The following CMYA5 variants were observed in gnomAD, a reference collection of about 807,000 sequenced individuals.
CMYA5 encodes cardiomyopathy associated 5.
A neutral mutation model predicts 318.9 loss-of-function variants in CMYA5; 246 were observed. The ratio of observed to expected loss-of-function variants is 0.77; its 90% confidence interval spans 0.70 to 0.86. The LOEUF (loss-of-function observed/expected upper bound fraction) is 0.86, where lower values mean the gene tolerates loss of function less well. CMYA5 is among the 40% of genes least tolerant of loss of function. CMYA5 has a pLI of 0.00. For missense variants in CMYA5, 4,589 were observed against 4,678.2 expected (o/e 0.98, Z 0.56); for synonymous variants, 1,641 against 1,729.5 (o/e 0.95, Z 1.27).
intron 1 of CMYA5, among the ~76,000 whole-genome samples, chr5:79,706,979 G>A (rs1375874380): frequency 6.6e-6 from 1 of 152,076 alleles, no homozygotes; most frequent in Non-Finnish European, 1.5e-5. Context: ...ACTCCTAGAT[G>A]TACAAATAAC....
intron 1 of CMYA5, among the ~76,000 whole-genome samples, chr5:79,696,660 G>A (rs544415159): frequency 4.6e-5 from 7 of 152,152 alleles, no homozygotes; most frequent in African/African-American, 1.7e-4. Flanking sequence ...GATTTCACTA[G>A]GGCACTTAAA....
Position 79,733,034 on chromosome 5 carries a change from T to C in CMYA5, c.4269T>C (p.Gly1423=), listed in dbSNP as rs1312814967. Residue 1423 remains glycine (G), a synonymous_variant, in exon 2 of 13, where the codon GGT becomes GGC. Coordinates refer to ENST00000446378, the MANE Select transcript of CMYA5 (RefSeq NM_153610.5). ...LAEEDKVAIK[G]ASPIETSSKH... is the part of the protein sequence containing the mutation. Reference sequence around the variant, plus strand: ...AAGAAGACAAGGTGGCAATTAAAGGTGCTTCTCCCATTGAAACTTCATCCA... The same window carrying C: ...AAGAAGACAAGGTGGCAATTAAAGGCGCTTCTCCCATTGAAACTTCATCCA... 3.7e-6 allele frequency: 6 copies of C among 1,613,232 alleles called. No individual in the cohort carries two copies. The highest frequency in any genetic ancestry group is 8.5e-7 in the Non-Finnish European group (1 of 1,179,648).
intron 1 of CMYA5, among the ~76,000 whole-genome samples, chr5:79,723,113 T>C (rs1827673454): frequency 1.3e-5 from 2 of 152,064 alleles, no homozygotes; most frequent in Non-Finnish European, 2.9e-5. Flanking sequence ...ATCATAATCT[T>C]GCTACAAAAA....
intron 4 of CMYA5, 41 bp from the exon 5 acceptor site, chr5:79,747,038 CTCTCTCTCTTTT>C (rs1828337734): frequency 1.3e-5 from 14 of 1,056,062 alleles, no homozygotes; most frequent in East Asian, 1.3e-4. Context: ...CTCTCTCTTT[CTCTCTCTCTTTT>C]TCTCTCTTCT....
chr5:79,717,310 C>G (rs1249689246), intron 1 of CMYA5, among the ~76,000 whole-genome samples: 2 of 152,132 alleles, frequency 1.3e-5, no homozygotes, highest in African/African-American at 2.4e-5. Flanking sequence ...ATAAGGAGAG[C>G]CACCAAAAGA....
Position 79,789,000 on chromosome 5 carries a change from T to G in CMYA5, c.11585T>G (p.Leu3862Arg). The G allele has an allele frequency of 6.2e-7, 1 of 1,613,884 alleles. No homozygotes were observed. Among genetic ancestry groups the G allele is most frequent in the South Asian group, 1.1e-5 (1 of 91,060 alleles). The change falls in exon 10 of 13, where the codon CTG (leucine) becomes CGG (arginine). Residue 3862 changes from leucine (L) to arginine (R), a missense_variant. Transcript: ENST00000446378. ...RSFSGIKGLQ[L>R]KVNLQPNDNY... ...TTCTCTGGAATCAAAGGACTCCAGC[T>G]GAAAGTTAACCTCCAACCCAATGAT...
chr5:79,742,020 T>A (rs1371489037), intron 2 of CMYA5, among the ~76,000 whole-genome samples: 1 of 151,486 alleles, frequency 6.6e-6, no homozygotes. Flanking sequence ...TCCTTTCTCC[T>A]CCTTCCTCCT....
rs1196457835 is a variant in CMYA5, at chr5:79,728,952, G to A, written c.187G>A (p.Glu63Lys). 4 of 1,610,916 alleles carry A rather than the reference G, an allele frequency of 2.5e-6. No individual in the cohort carries two copies. Among genetic ancestry groups the A allele is most frequent in the Non-Finnish European group, 3.4e-6 (4 of 1,178,390 alleles). ...GGATGAAGAGGGAAAGATCAAGCAG[G>A]AGTATATCATATCTGACCCCTCCTT... ...DQDEEGKIKQ[E>K]YIISDPSFSM... Residue 63 changes from glutamate (E) to lysine (K), a missense_variant, in exon 2 of 13, where the codon GAG becomes AAG. Glu to Lys is a moderately conservative substitution (Grantham distance 56). Transcript: ENST00000446378.
chr5:79,704,022 T>C (rs1345826326), intron 1 of CMYA5, among the ~76,000 whole-genome samples: 1 of 151,924 alleles, frequency 6.6e-6, no homozygotes, highest in African/African-American at 2.4e-5. Flanking sequence ...AACCCAGAGG[T>C]CAAGGCTGCC....
intron 6 of CMYA5, among the ~76,000 whole-genome samples, chr5:79,755,433 T>C (rs2151093183): frequency 6.6e-6 from 1 of 152,218 alleles, no homozygotes; most frequent in Non-Finnish European, 1.5e-5. Context: ...ATTACAGGCG[T>C]GCATCACCAT....
At chr5:79,767,607 G>A (rs1240898911) in intron 9 of CMYA5, among the ~76,000 whole-genome samples, 1 of 152,208 alleles carries the variant, frequency 6.6e-6, no homozygotes, top group African/African-American at 2.4e-5. Flanking sequence ...ATGTAGTTGT[G>A]TGGTTTTGAG....
chr5:79,787,952 G>A (rs1981970), intron 9 of CMYA5, among the ~76,000 whole-genome samples: 9,314 of 152,018 alleles, frequency 0.061, 783 homozygotes, highest in East Asian at 0.26. Flanking sequence ...TTCATCTGTG[G>A]ATGAACAGTG....
intron 12 of CMYA5, among the ~76,000 whole-genome samples, chr5:79,797,104 C>T (rs1355498587): frequency 2.6e-5 from 4 of 152,230 alleles, no homozygotes; most frequent in Non-Finnish European, 5.9e-5. Flanking sequence ...CTCCCATTTT[C>T]TCCAACCTTA....
At position 79,733,379 on chromosome 5, in the gene CMYA5, GA is replaced by G. The variant is rs781392255; in HGVS notation, c.4616del (p.Lys1539ArgfsTer19). On this transcript the variant is annotated frameshift_variant, in exon 2 of 13. Coordinates refer to ENST00000446378, the MANE Select transcript of CMYA5 (RefSeq NM_153610.5). LOFTEE classifies it high-confidence loss of function. ...CACTCAGCCTATGGGGTGAGATAAAGAAGAAAGAAACTGAACTTCCTTCATC... is the reference window on the plus strand; with the variant it reads ...CACTCAGCCTATGGGGTGAGATAAAGAGAAAGAAACTGAACTTCCTTCATC... The part of the protein sequence containing the change: ...LPLSLWGEIK[K>X]KETELPSSQN... 39 of 1,613,288 alleles carry G rather than the reference GA, an allele frequency of 2.4e-5. No homozygotes were observed. Among genetic ancestry groups the G allele is most frequent in the Middle Eastern group, 1.6e-4 (1 of 6,084 alleles).
chr5:79,798,678 TC>T (rs1420401877), intron 12 of CMYA5, among the ~76,000 whole-genome samples: 115 of 152,306 alleles, frequency 7.6e-4, no homozygotes, highest in Middle Eastern at 3.4e-3. Flanking sequence ...GGACAGCACT[TC>T]ATGTCCTTCA....
At chr5:79,798,249 T>C (rs548480282) in intron 12 of CMYA5, among the ~76,000 whole-genome samples, 3 of 152,112 alleles carry the variant, frequency 2.0e-5, no homozygotes, top group East Asian at 1.9e-4. Flanking sequence ...TCCTCAGCCC[T>C]CCCTGCCAGA....
At chr5:79,701,090 C>CCAAAAAAAAAAAAAAAAAAAAAAAAA (rs55791310) in intron 1 of CMYA5, among the ~76,000 whole-genome samples, 1 of 114,926 alleles carries the variant, frequency 8.7e-6, no homozygotes. Context: ...ACTAAAAATA[C>CCAAAAAAAAAAAAAAAAAAAAAAAAA]AAAAAAAAAA....
chr5:79,759,614 G>A (rs1273346061), intron 7 of CMYA5, among the ~76,000 whole-genome samples: 1 of 152,230 alleles, frequency 6.6e-6, no homozygotes, highest in African/African-American at 2.4e-5. Flanking sequence ...GCAGTTTGAG[G>A]TTGTGCTTCC....
intron 9 of CMYA5, among the ~76,000 whole-genome samples, chr5:79,775,990 TGG>T (rs1473243572): frequency 6.6e-6 from 1 of 152,202 alleles, no homozygotes; most frequent in Non-Finnish European, 1.5e-5. Context: ...ATCTTTCTGC[TGG>T]GACCTTTGGC....
Sources: allele counts gnomAD v4.1 joint callset (sites outside exome capture counted in the v4.1 genomes callset), GRCh38; gene constraint gnomAD v4.1.1; transcripts MANE v1.5; gene names NCBI Gene and HGNC (gene_info 2026-07-23, HGNC 2026-07-21).